FANCC: variants seen among roughly 807,000 people sequenced by gnomAD.
The protein encoded by FANCC is Fanconi anemia group C protein.
Under a neutral mutation model 71.3 loss-of-function variants are expected in FANCC, and 55 were observed. The ratio of observed to expected loss-of-function variants is 0.77; its 90% CI spans 0.62 to 0.97. The LOEUF is 0.97. Ranked by LOEUF, FANCC falls within the 50% of genes least tolerant of loss-of-function variation. The pLI, the probability that FANCC is intolerant of heterozygous loss-of-function variation, is 0.00. For synonymous variants in FANCC, 275 were observed against 244.9 expected (o/e 1.12, Z -1.15); for missense variants, 678 against 670.9 (o/e 1.01, Z -0.12).
rs998688605 is a variant in FANCC at position 95,189,531 on chromosome 9, G to C, written c.346-17384C>G. Among the ~76,000 whole-genome samples, 17 of 152,248 alleles carry C rather than the reference G, an allele frequency of 1.1e-4. 1 individual carries two copies. Among genetic ancestry groups the C allele is most frequent in the East Asian group, 5.8e-4 (3 of 5,174 alleles). On this transcript the variant is annotated intron_variant, in intron 4 of 14. Transcript: ENST00000289081. The stretch of plus-strand genomic sequence containing the variant: ...TTGCTTGCTCGCTCATTAGTTCCGG[G>C]GGGGGAAATAGAGTAGGCTTCCCAA...
At chr9:95,259,376 A>G (rs1340579479) in intron 1 of FANCC, among the ~76,000 whole-genome samples, 1 of 152,242 alleles carries the variant, frequency 6.6e-6, no homozygotes, top group Non-Finnish European at 1.5e-5. Context: ...CAGAGGCCTC[A>G]GAAATAACGC....
At chr9:95,216,707 T>C (rs78977543) in intron 4 of FANCC, among the ~76,000 whole-genome samples, 4,316 of 152,334 alleles carry the variant, frequency 0.028, 100 homozygotes, top group Admixed American at 0.042. Context: ...GTTCCTCAGC[T>C]GTGACACAAA....
chr9:95,244,022 G>A (rs1307477534), intron 3 of FANCC, among the ~76,000 whole-genome samples: 2 of 152,352 alleles, frequency 1.3e-5, no homozygotes, highest in East Asian at 3.9e-4. Context: ...GAAAGGGATG[G>A]AGAATTTGTT....
At chr9:95,191,994 A>G (rs549714763) in intron 4 of FANCC, among the ~76,000 whole-genome samples, 2 of 152,156 alleles carry the variant, frequency 1.3e-5, no homozygotes, top group South Asian at 4.1e-4. Flanking sequence ...ATGTTAGGAC[A>G]TATCTCTCTT....
At chr9:95,231,810 TA>T (rs1338906342) in intron 4 of FANCC, among the ~76,000 whole-genome samples, 1 of 152,348 alleles carries the variant, frequency 6.6e-6, no homozygotes, top group African/African-American at 2.4e-5. Context: ...GGAATAAAGG[TA>T]TTACTTGAAG....
chr9:95,276,351 T>C (rs1245997443), intron 1 of FANCC, among the ~76,000 whole-genome samples: 1 of 152,244 alleles, frequency 6.6e-6, no homozygotes, highest in Non-Finnish European at 1.5e-5. Context: ...TTTCTTGCAT[T>C]AATTCAATGG....
intron 4 of FANCC, among the ~76,000 whole-genome samples, chr9:95,204,589 G>T (rs1447246376): frequency 1.3e-5 from 2 of 152,254 alleles, no homozygotes; most frequent in African/African-American, 2.4e-5. Flanking sequence ...TAAACACTTA[G>T]TCATAAGTAT....
At chr9:95,303,335 G>GA (rs778340507) in intron 1 of FANCC, among the ~76,000 whole-genome samples, 1 of 152,218 alleles carries the variant, frequency 6.6e-6, no homozygotes, top group Non-Finnish European at 1.5e-5. Context: ...GTGATATGCA[G>GA]ATGAGTGAGC....
intron 13 of FANCC, among the ~76,000 whole-genome samples, chr9:95,108,623 GCTTT>G (rs989603061): frequency 2.0e-5 from 3 of 152,194 alleles, no homozygotes; most frequent in Admixed American, 1.3e-4. Context: ...AAAGATAAAA[GCTTT>G]CTTTTCTTTT....
chr9:95,293,575 A>T (rs1834187176), intron 1 of FANCC: 18 of 1,613,916 alleles, frequency 1.1e-5, no homozygotes, highest in Non-Finnish European at 1.5e-5. Context: ...TCTTCAATCA[A>T]CGTGCAGACA....
intron 1 of FANCC, among the ~76,000 whole-genome samples, chr9:95,275,935 C>T (rs1436970850): frequency 6.6e-6 from 1 of 152,080 alleles, no homozygotes; most frequent in Non-Finnish European, 1.5e-5. Context: ...AGAGAGAAGG[C>T]AAGAGTGGAT....
chr9:95,293,722 C>T, intron 1 of FANCC: 2 of 1,613,762 alleles, frequency 1.2e-6, no homozygotes, highest in Non-Finnish European at 1.7e-6. Flanking sequence ...CACACTCAGA[C>T]ATTTTTGCCC....
intron 1 of FANCC, chr9:95,294,002 T>C (rs1470861450): frequency 1.9e-6 from 3 of 1,593,708 alleles, no homozygotes; most frequent in East Asian, 4.5e-5. Flanking sequence ...CCTAAGACTT[T>C]AAATCAAGAG....
intron 4 of FANCC, among the ~76,000 whole-genome samples, chr9:95,174,541 A>AT (rs962477494): frequency 6.6e-6 from 1 of 151,154 alleles, no homozygotes; most frequent in African/African-American, 2.4e-5. Context: ...ATATATATAT[A>AT]TTTTTTTTCT....
At chr9:95,150,244 T>A (rs149139362) in intron 6 of FANCC, among the ~76,000 whole-genome samples, 157 bp from the exon 7 acceptor site, 1 of 152,348 alleles carries the variant, frequency 6.6e-6, no homozygotes, top group African/African-American at 2.4e-5. Flanking sequence ...ACTTCTCTTT[T>A]ATCCAATTCT....
At chr9:95,187,996 T>C (rs1449477322) in intron 4 of FANCC, among the ~76,000 whole-genome samples, 3 of 151,224 alleles carry the variant, frequency 2.0e-5, no homozygotes, top group Admixed American at 1.3e-4. Context: ...TACGCATCAG[T>C]GTCTTCATGT....
intron 1 of FANCC, chr9:95,294,490 C>T: frequency 6.3e-7 from 1 of 1,590,096 alleles, no homozygotes; most frequent in Non-Finnish European, 8.6e-7. Context: ...TAGCCCTCAT[C>T]TGCCTCTGGG....
chr9:95,267,338 G>C (rs1263681426), intron 1 of FANCC, among the ~76,000 whole-genome samples: 1 of 152,150 alleles, frequency 6.6e-6, no homozygotes, highest in Non-Finnish European at 1.5e-5. Context: ...GCAGGACCAG[G>C]CACTGCGTGA....
intron 1 of FANCC, among the ~76,000 whole-genome samples, chr9:95,251,506 G>T (rs1290954869): frequency 6.6e-6 from 1 of 151,864 alleles, no homozygotes; most frequent in Non-Finnish European, 1.5e-5. Context: ...AGTAGAGACG[G>T]GGTCTCACCA....
Sources: gnomAD v4.1 joint callset for allele counts (sites outside exome capture counted in the v4.1 genomes callset) on GRCh38, gnomAD v4.1.1 for gene constraint, MANE v1.5 for transcripts, NCBI Gene and HGNC (gene_info 2026-07-23, HGNC 2026-07-21) for gene names.